Variants in RALGAPA2 observed in about 807,000 individuals in gnomAD.
The protein encoded by RALGAPA2 is ral GTPase-activating protein subunit alpha-2.
RALGAPA2 carries 139 observed loss-of-function variants against 230.4 expected under a neutral mutation model. The ratio of observed to expected loss-of-function variants is 0.60; its 90% CI spans 0.53 to 0.69. The LOEUF (loss-of-function observed/expected upper bound fraction) is 0.69. Ranked by LOEUF, RALGAPA2 falls within the 30% of genes least tolerant of loss-of-function variation. The probability of loss-of-function intolerance (pLI) is 0.00; values close to 1 mark genes in which losing one functional copy is unlikely to be tolerated. For missense variants in RALGAPA2, 2,163 were observed against 2,276.0 expected, an observed-to-expected ratio of 0.95 and a Z score of 1.01; for synonymous variants, 847 against 837.8, an observed-to-expected ratio of 1.01 and a Z score of -0.19.
chr20:20,533,651 A>G (rs2063425101), intron 26 of RALGAPA2, among the ~76,000 whole-genome samples: 1 of 152,200 alleles, frequency 6.6e-6, no homozygotes, highest in Admixed American at 6.5e-5. Flanking sequence ...AATAAACACA[A>G]TTAGAAGACT....
At chr20:20,427,962 C>T (rs1278189753) in intron 37 of RALGAPA2, among the ~76,000 whole-genome samples, 3 of 151,990 alleles carry the variant, frequency 2.0e-5, no homozygotes, top group Non-Finnish European at 4.4e-5. Flanking sequence ...AAGAGTAAGG[C>T]AGAAGGAATT....
At chr20:20,415,519 C>T (rs1246256887) in intron 37 of RALGAPA2, among the ~76,000 whole-genome samples, 2 of 152,210 alleles carry the variant, frequency 1.3e-5, no homozygotes, top group East Asian at 1.9e-4. Flanking sequence ...AAATTACTGA[C>T]CAGAAACCCA....
chr20:20,659,408 G>A (rs2067695378), intron 3 of RALGAPA2, among the ~76,000 whole-genome samples: 1 of 152,190 alleles, frequency 6.6e-6, no homozygotes, highest in Non-Finnish European at 1.5e-5. Flanking sequence ...AATGTTATTT[G>A]AGGACCTGCT....
chr20:20,553,426 C>T (rs2063987818), intron 23 of RALGAPA2, among the ~76,000 whole-genome samples: 1 of 152,070 alleles, frequency 6.6e-6, no homozygotes, highest in Non-Finnish European at 1.5e-5. Flanking sequence ...GTGGTACACT[C>T]CTGTGGTCCT....
intron 10 of RALGAPA2, among the ~76,000 whole-genome samples, chr20:20,622,776 TC>T (rs1265549231): frequency 1.6e-4 from 24 of 151,868 alleles, no homozygotes; most frequent in Non-Finnish European, 3.1e-4. Flanking sequence ...TGTGGATAAA[TC>T]TAAATGAACA....
intron 37 of RALGAPA2, among the ~76,000 whole-genome samples, chr20:20,458,840 CTA>C (rs10539542): frequency 7.7e-5 from 3 of 38,954 alleles, no homozygotes; most frequent in Non-Finnish European, 1.3e-4. Context: ...ATATATAGAC[CTA>C]TATATATATA....
At chr20:20,589,914 A>G (rs905244493) in intron 17 of RALGAPA2, among the ~76,000 whole-genome samples, 1 of 151,944 alleles carries the variant, frequency 6.6e-6, no homozygotes, top group African/African-American at 2.4e-5. Context: ...CTACAAAAAC[A>G]TAATTTATCA....
rs1364182303 is a variant in RALGAPA2, at chr20:20,680,863, C to CA, written c.107-63dup. On this transcript the variant is annotated intron_variant, in intron 1 of 39. Transcript: ENST00000202677. ...TTATAAAATCACAAGAATTTAGAAA[C>CA]AAACTTCTCAGAAAAGAAGGCAAGT... 8 of 1,505,136 alleles carry CA rather than the reference C, an allele frequency of 5.3e-6. No individual in the cohort carries two copies. The Admixed American group carries it at 1.1e-4, about 21-fold the overall frequency. 93.2% of individuals were successfully genotyped at this position (1,505,136 alleles called of 1,614,324 possible). A position where few individuals can be genotyped will look rare whatever the true frequency, so the allele number is the denominator to read the frequency against.
Position 20,393,219 on chromosome 20 carries a change from T to G in RALGAPA2, c.*70A>C, listed in dbSNP as rs2059633992. 7.4e-7 allele frequency: 1 copy of G among 1,353,864 alleles called. No homozygotes were observed. Among genetic ancestry groups the G allele is most frequent in the Non-Finnish European group, 9.8e-7 (1 of 1,015,934 alleles). 83.9% of individuals were successfully genotyped at this position (1,353,864 alleles called of 1,614,324 possible). A position where few individuals can be genotyped will look rare whatever the true frequency, so the allele number is the denominator to read the frequency against. On this transcript the variant is annotated 3_prime_UTR_variant, in exon 40 of 40. Coordinates refer to ENST00000202677, the MANE Select transcript of RALGAPA2 (RefSeq NM_020343.4). ...CTGTCTCCTCCTCACTCAGGGGCTC[T>G]TCGAGGTCAGCACTCAGACTGGAGG...
At chr20:20,448,636 T>C (rs1436194391) in intron 37 of RALGAPA2, among the ~76,000 whole-genome samples, 1 of 152,196 alleles carries the variant, frequency 6.6e-6, no homozygotes, top group East Asian at 1.9e-4. Flanking sequence ...TCCCAGGCAA[T>C]TCTACGAAAA....
chr20:20,562,977 C>G (rs1407245544), intron 23 of RALGAPA2, among the ~76,000 whole-genome samples: 1 of 152,088 alleles, frequency 6.6e-6, no homozygotes, highest in Admixed American at 6.6e-5. Flanking sequence ...TTGTCCATTC[C>G]CACAAAACCT....
chr20:20,552,234 T>C (rs1198133789), intron 23 of RALGAPA2, among the ~76,000 whole-genome samples: 1 of 152,192 alleles, frequency 6.6e-6, no homozygotes, highest in Non-Finnish European at 1.5e-5. Context: ...TGTAACACAA[T>C]AGCCAGCCAT....
At chr20:20,577,969 G>C (rs944208168) in intron 20 of RALGAPA2, among the ~76,000 whole-genome samples, 1 of 152,068 alleles carries the variant, frequency 6.6e-6, no homozygotes, top group African/African-American at 2.4e-5. Flanking sequence ...ATCATCACCT[G>C]CACCTCTTTT....
chr20:20,537,563 G>T (rs1316410954), intron 24 of RALGAPA2, among the ~76,000 whole-genome samples: 1 of 146,874 alleles, frequency 6.8e-6, no homozygotes, highest in Non-Finnish European at 1.5e-5. Flanking sequence ...GAGGTTGCAG[G>T]TAGCCAACAC....
At chr20:20,620,712 G>T in intron 10 of RALGAPA2, 82 bp from the exon 11 acceptor site, 1 of 1,189,140 alleles carries the variant, frequency 8.4e-7, no homozygotes, top group Non-Finnish European at 1.1e-6. Flanking sequence ...TTCCCAATGA[G>T]CATCACCCAT....
chr20:20,689,611 C>T (rs2068829398), intron 1 of RALGAPA2, among the ~76,000 whole-genome samples: 1 of 152,210 alleles, frequency 6.6e-6, no homozygotes, highest in African/African-American at 2.4e-5. Context: ...CACTGCACAC[C>T]AGCCTGGTGA....
intron 3 of RALGAPA2, among the ~76,000 whole-genome samples, chr20:20,669,102 A>G (rs993649529): frequency 1.3e-5 from 2 of 152,224 alleles, no homozygotes; most frequent in Non-Finnish European, 2.9e-5. Context: ...AGAACATCCA[A>G]ATGAGTGGCA....
At chr20:20,462,965 T>C (rs968075312) in intron 37 of RALGAPA2, among the ~76,000 whole-genome samples, 5 of 152,222 alleles carry the variant, frequency 3.3e-5, no homozygotes, top group Admixed American at 3.3e-4. Context: ...CCTTTCAACA[T>C]GGGACTGATA....
Position 20,536,911 on chromosome 20 carries a change from G to A in RALGAPA2, c.3286-127C>T, listed in dbSNP as rs538684211. ...ACTTGGCCGAGTTATTCTCTTCCAA[G>A]TGCATATTTAAGCAAAAGAGGTTTG... On this transcript the variant is annotated intron_variant, in intron 24 of 39. Coordinates refer to ENST00000202677, the MANE Select transcript of RALGAPA2 (RefSeq NM_020343.4). 1.9e-3 allele frequency: 2,098 copies of A among 1,121,062 alleles called. 5 individuals carry two copies. The highest frequency in any genetic ancestry group is 2.3e-3 in the Non-Finnish European group (1,916 of 824,088). The allele number at this position is 1,121,062 out of a possible 1,614,324, so 69.4% of individuals were successfully genotyped here.
Sources: gnomAD v4.1 joint callset for allele counts (sites outside exome capture counted in the v4.1 genomes callset) on GRCh38, gnomAD v4.1.1 for gene constraint, MANE v1.5 for transcripts, NCBI Gene and HGNC (gene_info 2026-07-23, HGNC 2026-07-21) for gene names.